Variants in TTC28 observed in about 807,000 individuals in gnomAD.
TTC28 encodes tetratricopeptide repeat protein 28.
A neutral mutation model predicts 198.0 loss-of-function variants in TTC28; 61 were observed. The ratio of observed to expected loss-of-function variants is 0.31; its 90% CI spans 0.25 to 0.38. The LOEUF (loss-of-function observed/expected upper bound fraction) is 0.38, where lower values mean the gene tolerates loss of function less well. Ranked by LOEUF, TTC28 falls within the 10% of genes least tolerant of loss-of-function variation. The pLI is 1.00. For synonymous variants in TTC28, 1,171 were observed against 1,297.8 expected (o/e 0.90, Z 2.10); for missense variants, 2,678 against 3,164.0 (o/e 0.85, Z 3.69).
At chr22:28,054,371 A>G (rs1021811853) in intron 12 of TTC28, among the ~76,000 whole-genome samples, 4 of 152,190 alleles carry the variant, frequency 2.6e-5, no homozygotes, top group Non-Finnish European at 5.9e-5. Context: ...GCTGGCTGCT[A>G]TGTATGCCAA....
intron 12 of TTC28, among the ~76,000 whole-genome samples, chr22:28,030,942 C>T (rs963005315): frequency 6.6e-6 from 1 of 152,228 alleles, no homozygotes; most frequent in African/African-American, 2.4e-5. Context: ...GCTGGAAACG[C>T]AAACTTGAGA....
chr22:28,676,908 C>A (rs1488000878), intron 1 of TTC28, among the ~76,000 whole-genome samples: 16 of 151,762 alleles, frequency 1.1e-4, no homozygotes, highest in Admixed American at 7.2e-4. Flanking sequence ...GTAATCCCAG[C>A]ACTTGGGAGC....
intron 12 of TTC28, among the ~76,000 whole-genome samples, chr22:28,034,980 C>G (rs754938111): frequency 9.2e-5 from 14 of 152,316 alleles, no homozygotes; most frequent in Admixed American, 4.6e-4. Context: ...CACCTTGGAG[C>G]TGTGCCAGAG....
chr22:28,658,853 C>T (rs933764970), intron 1 of TTC28, among the ~76,000 whole-genome samples: 19 of 151,982 alleles, frequency 1.3e-4, no homozygotes, highest in South Asian at 2.1e-4. Context: ...AAAAATTAGC[C>T]GGACATGGTG....
chr22:28,083,845 T>C lies in TTC28; in HGVS notation c.3932+10235A>G, dbSNP rs1941456565. On this transcript the variant is annotated intron_variant, in intron 12 of 22. Coordinates refer to ENST00000397906, the MANE Select transcript of TTC28 (RefSeq NM_001145418.2). ...GCGCTCTTCCAATAGGCTTAACAAA[T>C]GGCACACTAGGAGATTATATCCCGC... Among the ~76,000 whole-genome samples the C allele has an allele frequency of 2.0e-5, 3 of 152,224 alleles. No individual in the cohort carries two copies. The South Asian group carries it at 6.2e-4, about 31-fold the overall frequency.
intron 5 of TTC28, among the ~76,000 whole-genome samples, chr22:28,274,817 TA>T: frequency 6.6e-6 from 1 of 151,898 alleles, no homozygotes; most frequent in Admixed American, 6.6e-5. Flanking sequence ...CCATCTCTAC[TA>T]AAAATACAAA....
At chr22:28,088,849 C>T (rs1042246607) in intron 12 of TTC28, among the ~76,000 whole-genome samples, 14 of 152,100 alleles carry the variant, frequency 9.2e-5, no homozygotes, top group South Asian at 2.1e-4. Flanking sequence ...AAAAAGTGGG[C>T]GAAGGACATG....
At chr22:28,140,651 C>T (rs532946986) in intron 6 of TTC28, among the ~76,000 whole-genome samples, 33 of 152,310 alleles carry the variant, frequency 2.2e-4, no homozygotes, top group African/African-American at 7.5e-4. Context: ...AGGCTATCCA[C>T]GGGCCTGGCC....
chr22:28,421,330 A>G (rs758091744), intron 2 of TTC28, among the ~76,000 whole-genome samples: 5 of 152,206 alleles, frequency 3.3e-5, no homozygotes, highest in Non-Finnish European at 7.3e-5. Flanking sequence ...ATTTGTCTCA[A>G]TCTTGGAAAA....
chr22:28,559,509 T>A (rs2049837397), intron 2 of TTC28, among the ~76,000 whole-genome samples: 1 of 152,116 alleles, frequency 6.6e-6, no homozygotes, highest in Non-Finnish European at 1.5e-5. Flanking sequence ...CCACACTCCA[T>A]CCCAACTGCC....
In TTC28 at chr22:28,297,570, A is replaced by G; in HGVS notation, c.802+10T>C. On this transcript the variant is annotated intron_variant, in intron 4 of 22. Coordinates refer to ENST00000397906, the MANE Select transcript of TTC28 (RefSeq NM_001145418.2). The stretch of plus-strand genomic sequence containing the variant: ...CCTTTCTGCACTGAAATAGAGAAGC[A>G]TCACTCTACCTAAGGTCTTGGCTAC... The G allele has an allele frequency of 6.5e-7, 1 of 1,543,326 alleles. No individual in the cohort carries two copies. Among genetic ancestry groups the G allele is most frequent in the Non-Finnish European group, 8.8e-7 (1 of 1,140,520 alleles).
At chr22:28,123,318 C>T (rs1381047281) in intron 6 of TTC28, among the ~76,000 whole-genome samples, 12 of 152,006 alleles carry the variant, frequency 7.9e-5, no homozygotes, top group Non-Finnish European at 1.6e-4. Context: ...TGCAATGGCA[C>T]GATCGTGGCT....
At chr22:28,283,824 T>C (rs1018709394) in intron 5 of TTC28, among the ~76,000 whole-genome samples, 5 of 152,178 alleles carry the variant, frequency 3.3e-5, no homozygotes, top group Admixed American at 2.0e-4. Context: ...GTTGAGACTA[T>C]AGGTGCATGC....
rs1921022640 is a variant in TTC28 at position 28,160,330 on chromosome 22, T to C, written c.1441+2762A>G. ...AAATATCTCAAGTACCCCACAAATA[T>C]ATGTACCTACTATGTACCCACAGAA... On this transcript the variant is annotated intron_variant, in intron 6 of 22. Transcript: ENST00000397906. Among the ~76,000 whole-genome samples, 4 of 152,184 alleles carry C rather than the reference T, an allele frequency of 2.6e-5. No individual in the cohort carries two copies. The South Asian group carries it at 8.3e-4, about 32-fold the overall frequency.
intron 2 of TTC28, among the ~76,000 whole-genome samples, chr22:28,338,853 G>A (rs181199021): frequency 4.6e-4 from 70 of 152,010 alleles, no homozygotes; most frequent in Admixed American, 9.8e-4. Flanking sequence ...ATTGATCATC[G>A]TAAGCCTTCT....
At chr22:28,362,966 AC>A (rs1366409872) in intron 2 of TTC28, among the ~76,000 whole-genome samples, 1 of 151,974 alleles carries the variant, frequency 6.6e-6, no homozygotes, top group Non-Finnish European at 1.5e-5. Context: ...ATAGAAACAA[AC>A]AAAAAACAAC....
At chr22:28,459,276 A>C (rs2047912391) in intron 2 of TTC28, among the ~76,000 whole-genome samples, 1 of 152,020 alleles carries the variant, frequency 6.6e-6, no homozygotes, top group African/African-American at 2.4e-5. Flanking sequence ...AACAAAATAC[A>C]AAAAATTACC....
At chr22:28,073,838 T>A (rs1188691642) in intron 12 of TTC28, among the ~76,000 whole-genome samples, 1 of 152,210 alleles carries the variant, frequency 6.6e-6, no homozygotes, top group Admixed American at 6.5e-5. Context: ...GGAGCTGACT[T>A]AAGCTTAACG....
chr22:28,168,906 T>A (rs1277513430), intron 5 of TTC28, among the ~76,000 whole-genome samples: 17 of 151,828 alleles, frequency 1.1e-4, no homozygotes, highest in Non-Finnish European at 5.9e-5. Context: ...TGGGAGAAAA[T>A]TTTTGCAACC....
Sources: gnomAD v4.1 joint callset for allele counts (sites outside exome capture counted in the v4.1 genomes callset) on GRCh38, gnomAD v4.1.1 for gene constraint, MANE v1.5 for transcripts, NCBI Gene and HGNC (gene_info 2026-07-23, HGNC 2026-07-21) for gene names.